DCC: variants seen among roughly 807,000 people sequenced by gnomAD.
The protein encoded by DCC is netrin receptor DCC.
A neutral mutation model predicts 172.5 loss-of-function variants in DCC; 58 were observed. The observed-to-expected ratio is 0.34, with a 90% CI of 0.27 to 0.42. DCC has a LOEUF of 0.42. Ranked by LOEUF, DCC falls within the 10% of genes least tolerant of loss-of-function variation. DCC has a pLI of 1.00. For synonymous variants in DCC, 709 were observed against 644.5 expected, an observed-to-expected ratio of 1.10 and a Z score of -1.52; for missense variants, 1,740 against 1,791.0, an observed-to-expected ratio of 0.97 and a Z score of 0.51.
At chr18:52,435,681 GA>G (rs1987770333) in intron 1 of DCC, among the ~76,000 whole-genome samples, 1 of 152,160 alleles carries the variant, frequency 6.6e-6, no homozygotes, top group Non-Finnish European at 1.5e-5. Flanking sequence ...CCGCCCTTGA[GA>G]TTGATATTTG....
intron 15 of DCC, among the ~76,000 whole-genome samples, chr18:53,350,654 C>A (rs528190156): frequency 5.3e-5 from 8 of 152,014 alleles, no homozygotes; most frequent in African/African-American, 1.9e-4. Flanking sequence ...ACAAAAGATG[C>A]TTTTAGTCCC....
chr18:53,496,240 G>T (rs1465060782), intron 26 of DCC, among the ~76,000 whole-genome samples: 1 of 152,124 alleles, frequency 6.6e-6, no homozygotes, highest in Non-Finnish European at 1.5e-5. Flanking sequence ...CTGGGACGAA[G>T]CTTCCAGAGG....
In DCC at chr18:53,338,566, A is replaced by T. The variant is rs146621105; in HGVS notation, c.2165-1147A>T. On this transcript the variant is annotated intron_variant, in intron 14 of 28. Coordinates refer to ENST00000442544, the MANE Select transcript of DCC (RefSeq NM_005215.4). ...CAGTGAGCCGAGATCGTGCCACTGC[A>T]CTCTAGCCTGGGCGACAGAGTGAGA... 3.5e-3 allele frequency among the ~76,000 whole-genome samples: 528 copies of T among 152,302 alleles called. 3 individuals carry two copies. In the Middle Eastern group the frequency reaches 0.037, roughly 11 times the overall value.
chr18:52,465,929 A>C (rs1178251602), intron 1 of DCC, among the ~76,000 whole-genome samples: 1 of 152,224 alleles, frequency 6.6e-6, no homozygotes, highest in East Asian at 1.9e-4. Context: ...GGAAAACAGC[A>C]ATGATTATAC....
intron 2 of DCC, among the ~76,000 whole-genome samples, chr18:52,877,874 C>G (rs1177840268): frequency 1.3e-5 from 2 of 151,900 alleles, no homozygotes; most frequent in Non-Finnish European, 2.9e-5. Flanking sequence ...CTTCCCTGTC[C>G]CGTATTCTCC....
At chr18:52,977,050 A>G (rs1298895163) in intron 5 of DCC, among the ~76,000 whole-genome samples, 1 of 152,182 alleles carries the variant, frequency 6.6e-6, no homozygotes, top group Admixed American at 6.5e-5. Flanking sequence ...TTCTCCCTCA[A>G]GGTGCTCAAA....
At chr18:53,118,937 A>C (rs1598820465) in intron 7 of DCC, among the ~76,000 whole-genome samples, 1 of 151,746 alleles carries the variant, frequency 6.6e-6, no homozygotes, top group East Asian at 2.0e-4. Context: ...GTGAAATTCA[A>C]CTTAAGTTTT....
intron 25 of DCC, among the ~76,000 whole-genome samples, chr18:53,468,816 A>C (rs1439231174): frequency 6.6e-6 from 1 of 152,136 alleles, no homozygotes; most frequent in Non-Finnish European, 1.5e-5. Context: ...ATCCTCCCAC[A>C]TTCACTGAAG....
At chr18:53,215,632 A>G (rs891663532) in intron 12 of DCC, 35 bp downstream of exon 12, 4 of 1,546,080 alleles carry the variant, frequency 2.6e-6, no homozygotes, top group Admixed American at 3.3e-5. Flanking sequence ...TCCATTACCT[A>G]TCAAGATTAC....
At chr18:52,692,519 A>G (rs2035943864) in intron 1 of DCC, among the ~76,000 whole-genome samples, 1 of 152,036 alleles carries the variant, frequency 6.6e-6, no homozygotes, top group Non-Finnish European at 1.5e-5. Flanking sequence ...GCTCACTGCA[A>G]TCTCTGTCTC....
intron 5 of DCC, among the ~76,000 whole-genome samples, chr18:52,960,425 T>C (rs896575174): frequency 3.3e-5 from 5 of 152,168 alleles, no homozygotes; most frequent in Admixed American, 2.0e-4. Context: ...TTTTTAATGT[T>C]GCTTTAGGCC....
At chr18:53,186,541 T>A (rs1213566512) in intron 9 of DCC, among the ~76,000 whole-genome samples, 1 of 151,938 alleles carries the variant, frequency 6.6e-6, no homozygotes, top group Non-Finnish European at 1.5e-5. Flanking sequence ...TGAGAAAGGG[T>A]AAAGATAGAA....
intron 7 of DCC, among the ~76,000 whole-genome samples, chr18:53,107,156 C>A (rs1372886591): frequency 1.3e-5 from 2 of 151,670 alleles, no homozygotes; most frequent in Non-Finnish European, 2.9e-5. Flanking sequence ...TTTACCCAGC[C>A]CCTATTCAAG....
intron 1 of DCC, among the ~76,000 whole-genome samples, chr18:52,546,094 T>C (rs2032606581): frequency 6.6e-6 from 1 of 152,208 alleles, no homozygotes; most frequent in African/African-American, 2.4e-5. Context: ...CCTACCCTCA[T>C]GTGGCTTGCA....
intron 5 of DCC, among the ~76,000 whole-genome samples, chr18:52,967,632 C>T (rs1429040037): frequency 1.3e-5 from 2 of 152,132 alleles, no homozygotes; most frequent in East Asian, 1.9e-4. Flanking sequence ...TTAATCTATA[C>T]TTTCTTCTAG....
intron 2 of DCC, among the ~76,000 whole-genome samples, chr18:52,867,997 A>G (rs886366374): frequency 1.3e-5 from 2 of 150,828 alleles, no homozygotes; most frequent in East Asian, 3.9e-4. Flanking sequence ...AAATAAGGCA[A>G]TTGTTTTGAA....
chr18:52,657,336 G>A (rs1367738054), intron 1 of DCC, among the ~76,000 whole-genome samples: 3 of 152,160 alleles, frequency 2.0e-5, no homozygotes, highest in Admixed American at 1.3e-4. Flanking sequence ...GCTGAGCTTC[G>A]CCACATGGCT....
At chr18:53,006,781 C>A (rs2041653009) in intron 5 of DCC, among the ~76,000 whole-genome samples, 1 of 152,178 alleles carries the variant, frequency 6.6e-6, no homozygotes, top group South Asian at 2.1e-4. Flanking sequence ...GCTGCTCTGA[C>A]CTTGTAAGTT....
intron 20 of DCC, among the ~76,000 whole-genome samples, chr18:53,411,990 T>G (rs976664126): frequency 1.3e-4 from 20 of 152,154 alleles, no homozygotes; most frequent in African/African-American, 4.1e-4. Context: ...AACTGAGAGA[T>G]CTGAGGAAAG....
Sources: gnomAD v4.1 joint callset for allele counts (sites outside exome capture counted in the v4.1 genomes callset) on GRCh38, gnomAD v4.1.1 for gene constraint, MANE v1.5 for transcripts, NCBI Gene and HGNC (gene_info 2026-07-23, HGNC 2026-07-21) for gene names.